The following OGG1 variants were observed in gnomAD, a reference collection of about 807,000 sequenced individuals.
OGG1 encodes 8-oxoguanine DNA glycosylase.
Under a neutral mutation model 42.3 loss-of-function variants are expected in OGG1, and 35 were observed. The ratio of observed to expected loss-of-function variants is 0.83; its 90% CI spans 0.63 to 1.10. The LOEUF is 1.10. Ranked by LOEUF, OGG1 falls within the 50% of genes least tolerant of loss-of-function variation. OGG1 has a pLI of 0.00. For missense variants in OGG1, 484 were observed against 446.7 expected, an observed-to-expected ratio of 1.08 and a Z score of -0.75; for synonymous variants, 189 against 179.0, an observed-to-expected ratio of 1.06 and a Z score of -0.44.
chr3:9,778,729 G>C lies in OGG1; in HGVS notation c.295-2784G>C, dbSNP rs73113556. On this transcript the variant is annotated intron_variant, in intron 2 of 3. Coordinates refer to the OGG1 transcript ENST00000426518. The stretch of plus-strand genomic sequence containing the variant: ...GAGGGCCTCGAGTGACCCAGCTTGG[G>C]TTACATGCCTGCTTCTGGGACTAAT... 3.0e-3 allele frequency among the ~76,000 whole-genome samples: 450 copies of C among 152,272 alleles called. 1 individual carries two copies. The highest frequency in any genetic ancestry group is 0.01 in the African/African-American group (423 of 41,544).
chr3:9,757,598 G>A (rs200760015), downstream of OGG1: 50 of 1,614,152 alleles, frequency 3.1e-5, no homozygotes, highest in Middle Eastern at 5.0e-4. This position sits in a 1 kb window ranked among gnomAD's most constrained non-coding sequence, Gnocchi z 4.5. Context: ...CAGCAGTCTC[G>A]ACAGCAACAG....
intron 3 of OGG1, among the ~76,000 whole-genome samples, chr3:9,753,918 G>C (rs1465290273): frequency 1.3e-5 from 2 of 152,128 alleles, no homozygotes; most frequent in African/African-American, 2.4e-5. Flanking sequence ...TGGGAGGATG[G>C]CTTGAGCCCA....
At position 9,757,066 on chromosome 3, in the gene OGG1, G is replaced by A. The variant is rs775611059; in HGVS notation, c.954G>A (p.Leu318=). The A allele has an allele frequency of 3.7e-6, 6 of 1,614,084 alleles. No homozygotes were observed. The highest frequency in any genetic ancestry group is 1.7e-5 in the Admixed American group (1 of 60,024). Residue 318 remains leucine (L), a synonymous_variant, in exon 7 of 7, where the codon CTG becomes CTA. Coordinates refer to ENST00000344629, the MANE Select transcript of OGG1 (RefSeq NM_002542.6). The surrounding 1 kb of genome is among the most constrained non-coding windows in gnomAD (Gnocchi z 4.5). ...GPYAGWAQAV[L]FSADLRQSRH... ...CAGACTCCACCCTCCTACAGGTGCT[G>A]TTCAGTGCCGACCTGCGCCAATCCC...
downstream of OGG1, among the ~76,000 whole-genome samples, chr3:9,790,286 T>G (rs11711241): frequency 0.29 from 43,850 of 152,220 alleles, 7,684 homozygotes; most frequent in Non-Finnish European, 0.39. Context: ...TCACCACTAC[T>G]GAGATGCCTT....
At chr3:9,761,958 G>GA (rs778506528), downstream of OGG1, 79 of 664,670 alleles carry the variant, frequency 1.2e-4, no homozygotes, top group Admixed American at 4.3e-4. Context: ...GTGTGGGGGG[G>GA]AACTGTCTCT....
intron 3 of OGG1, among the ~76,000 whole-genome samples, chr3:9,753,323 G>A (rs1364653713): frequency 1.5e-5 from 2 of 132,800 alleles, no homozygotes; most frequent in Admixed American, 7.3e-5. Flanking sequence ...CAGCCTGGGC[G>A]ACAGGGCGAC....
At chr3:9,757,746 A>G, downstream of OGG1, 1 of 1,614,172 alleles carries the variant, frequency 6.2e-7, no homozygotes. The surrounding 1 kb of genome is among the most constrained non-coding windows in gnomAD (Gnocchi z 4.5). Context: ...CACTGGTGTC[A>G]GCAGCTCCCC....
At chr3:9,751,245 C>CT (rs1337132783) in intron 2 of OGG1, 53 bp downstream of exon 2, 19 of 1,591,690 alleles carry the variant, frequency 1.2e-5, no homozygotes, top group Non-Finnish European at 1.5e-5. Context: ...AGTCACTTCT[C>CT]TATGACTCAG....
chr3:9,750,444 A>C, intron 1 of OGG1, 21 bp downstream of exon 1: 1 of 1,613,442 alleles, frequency 6.2e-7, no homozygotes, highest in Non-Finnish European at 8.5e-7. Flanking sequence ...GAGCCTGAGA[A>C]GCCTGTCCCC....
At chr3:9,755,695 C>T (rs1014501695) in intron 4 of OGG1, among the ~76,000 whole-genome samples, 3 of 150,896 alleles carry the variant, frequency 2.0e-5, no homozygotes, top group Non-Finnish European at 4.4e-5. Context: ...AATCTGACCT[C>T]GAGATCCACC....
At chr3:9,756,920 C>G in intron 6 of OGG1, 104 bp downstream of exon 6, 2 of 1,612,068 alleles carry the variant, frequency 1.2e-6, no homozygotes, top group East Asian at 4.5e-5. Flanking sequence ...TCTCCAGCCA[C>G]CCCTGTCCCA....
At chr3:9,772,970 G>A (rs2078319930) in intron 2 of OGG1, among the ~76,000 whole-genome samples, 1 of 152,170 alleles carries the variant, frequency 6.6e-6, no homozygotes, top group Non-Finnish European at 1.5e-5. Flanking sequence ...CAAAAAGTGA[G>A]TGAAGGGCCA....
In OGG1 at chr3:9,763,995, T is replaced by A. The variant is rs180807718; in HGVS notation, c.1049-1814T>A. On this transcript the variant is annotated intron_variant, in intron 7 of 7. Transcript: ENST00000302008. ...GAGCAAAACTCCATCTCAAAAAAAA[T>A]ATATATATATAGTTTTCTGTGTTTA... Among the ~76,000 whole-genome samples the A allele has an allele frequency of 6.5e-3, 987 of 151,994 alleles. 8 individuals are homozygous for A. Among genetic ancestry groups the A allele is most frequent in the African/African-American group, 0.019 (804 of 41,492 alleles).
downstream of OGG1, chr3:9,758,858 G>T: frequency 2.9e-6 from 1 of 344,470 alleles, no homozygotes; most frequent in Non-Finnish European, 5.6e-6. Flanking sequence ...TTGAACTCCT[G>T]ACCTCAGGTG....
intron 3 of OGG1, chr3:9,787,500 G>A: frequency 9.0e-7 from 1 of 1,107,726 alleles, no homozygotes; most frequent in South Asian, 1.6e-5. Flanking sequence ...GATAAAACCT[G>A]TACTTCACAC....
chr3:9,766,296 C>T lies in OGG1; in HGVS notation c.*465C>T, dbSNP rs2078149367. On this transcript the variant is annotated 3_prime_UTR_variant, in exon 8 of 8. Coordinates refer to the OGG1 transcript ENST00000302008. ...TTTCCTGATAACATTATGTGGCCCT[C>T]TGGATCCAGCCATGCCTGAGGTCTA... The T allele has an allele frequency of 4.3e-6, 3 of 699,908 alleles. No individual in the cohort carries two copies. The South Asian group carries it at 4.5e-5, about 10-fold the overall frequency. The allele number at this position is 699,908 out of a possible 1,614,324, so 43.4% of individuals were successfully genotyped here. A position where few individuals can be genotyped will look rare whatever the true frequency, so the allele number is the denominator to read the frequency against.
exon 8 of OGG1, chr3:9,766,376 C>T (rs1243080955): frequency 4.9e-6 from 3 of 612,902 alleles, no homozygotes; most frequent in African/African-American, 1.8e-5. Context: ...TCTGCTAATT[C>T]GAGTCATGGC....
chr3:9,783,848 A>C, intron 3 of OGG1: 1 of 1,106,544 alleles, frequency 9.0e-7, no homozygotes, highest in Non-Finnish European at 1.2e-6. Context: ...ACTCTGTGGA[A>C]TCAGAATTTG....
At chr3:9,763,421 A>C (rs1160656311) in intron 7 of OGG1, among the ~76,000 whole-genome samples, 1 of 150,622 alleles carries the variant, frequency 6.6e-6, no homozygotes, top group Non-Finnish European at 1.5e-5. Flanking sequence ...AAAAAAAAAA[A>C]ACAGCGGTTT....
Sources: allele counts gnomAD v4.1 joint callset (sites outside exome capture counted in the v4.1 genomes callset), GRCh38; gene constraint gnomAD v4.1.1; non-coding constraint Gnocchi (gnomAD v3.1); transcripts MANE v1.5; gene names NCBI Gene and HGNC (gene_info 2026-07-23, HGNC 2026-07-21).